Variants in NCF2 observed in about 807,000 individuals in gnomAD.
The protein encoded by NCF2 is neutrophil cytosolic factor 2.
A neutral mutation model predicts 70.9 loss-of-function variants in NCF2; 45 were observed. The ratio of observed to expected loss-of-function variants is 0.63; its 90% CI spans 0.50 to 0.81. NCF2 has a LOEUF of 0.81. Among genes scored for constraint, NCF2 ranks in the 40% least tolerant of loss-of-function variants. The pLI is 0.00. For missense variants in NCF2, 522 were observed against 631.6 expected, an observed-to-expected ratio of 0.83 and a Z score of 1.86; for synonymous variants, 203 against 233.6, an observed-to-expected ratio of 0.87 and a Z score of 1.19.
At chr1:183,576,531 G>A (rs1422269649) in intron 3 of NCF2, among the ~76,000 whole-genome samples, 2 of 152,142 alleles carry the variant, frequency 1.3e-5, no homozygotes, top group Non-Finnish European at 2.9e-5. Flanking sequence ...TGCGCAGGAC[G>A]CACCACAACC....
At chr1:183,556,339 T>C (rs1671780511) in intron 14 of NCF2, 109 bp from the exon 15 acceptor site, 1 of 936,176 alleles carries the variant, frequency 1.1e-6, no homozygotes, top group Admixed American at 1.9e-5. Flanking sequence ...CCACCCCTAA[T>C]TGTGATCAAC....
Position 183,570,766 on chromosome 1 carries a change from C to G in NCF2, c.669+14G>C, listed in dbSNP as rs1268509572. ...CGAGACCTAGGTCCATGGAGAAGGT[C>G]AGGACTGCCTTACCTGTGGTTGCAG... On this transcript the variant is annotated intron_variant, in intron 6 of 14. Coordinates refer to ENST00000367535, the MANE Select transcript of NCF2 (RefSeq NM_000433.4). The G allele has an allele frequency of 6.2e-7, 1 of 1,613,544 alleles. No individual in the cohort carries two copies. Among genetic ancestry groups the G allele is most frequent in the African/African-American group, 1.3e-5 (1 of 74,924 alleles).
intron 2 of NCF2, among the ~76,000 whole-genome samples, chr1:183,580,700 G>T (rs1054334281): frequency 6.6e-6 from 1 of 152,170 alleles, no homozygotes; most frequent in African/African-American, 2.4e-5. Flanking sequence ...ACAGAGGCCC[G>T]GTGCAGTGGC....
upstream of NCF2, among the ~76,000 whole-genome samples, chr1:183,592,604 G>A (rs1400678113): frequency 3.3e-5 from 5 of 152,164 alleles, no homozygotes; most frequent in Non-Finnish European, 7.3e-5. Flanking sequence ...ATGACCTGCA[G>A]GTAGCAGTGA....
rs1180924177 is a variant in NCF2, at chr1:183,585,933, C to G, written c.257+962G>C. 3.9e-5 allele frequency among the ~76,000 whole-genome samples: 6 copies of G among 152,214 alleles called. No individual in the cohort carries two copies. The East Asian group carries it at 1.2e-3, about 29-fold the overall frequency. On this transcript the variant is annotated intron_variant, in intron 2 of 14. Coordinates refer to ENST00000367535, the MANE Select transcript of NCF2 (RefSeq NM_000433.4). ...AAAATGGATTTTCCTATAATCCCAC[C>G]ATCCAGAGAGAATTATTGATAACAT...
chr1:183,558,421 C>T (rs757702877), intron 14 of NCF2, among the ~76,000 whole-genome samples: 3 of 151,568 alleles, frequency 2.0e-5, no homozygotes, highest in Admixed American at 1.3e-4. Flanking sequence ...GCACCTACCA[C>T]TATACCCGGC....
chr1:183,599,429 T>TCTTTCTTTCTTTCTTTC, the NCF2 span, among the ~76,000 whole-genome samples: 332 of 85,898 alleles, frequency 3.9e-3, 5 homozygotes, highest in African/African-American at 0.012. Flanking sequence ...TTTCCTTCTT[T>TCTTTCTTTCTTTCTTTC]CTTTCTTTCT....
chr1:183,563,706 T>A, intron 11 of NCF2, 121 bp from the exon 12 acceptor site: 3 of 1,262,320 alleles, frequency 2.4e-6, no homozygotes, highest in South Asian at 1.2e-5. Flanking sequence ...GAGAGGCCAG[T>A]AAGTAACTGG....
In NCF2 at chr1:183,567,291, T is replaced by G; in HGVS notation, c.768A>C (p.Lys256Asn). Reference protein sequence around the residue: ...RVLFGFVPETKEELQVMPGNI... With the variant: ...RVLFGFVPETNEELQVMPGNI... ...TCCCTGGCATGACCTGGAGCTCTTC[T>G]TTTGTCTCAGGCACAAACCCAAATA... The change falls in exon 8 of 15, where the codon AAA becomes AAC. Residue 256 changes from lysine (K) to asparagine (N), a missense_variant. Lys to Asn is a moderately conservative substitution (Grantham distance 94). Transcript: ENST00000367535. The G allele has an allele frequency of 6.2e-7, 1 of 1,614,188 alleles. No individual in the cohort carries two copies. Among genetic ancestry groups the G allele is most frequent in the South Asian group, 1.1e-5 (1 of 91,086 alleles).
chr1:183,596,662 G>A, the NCF2 span, among the ~76,000 whole-genome samples: 58,291 of 151,436 alleles, frequency 0.38, 11,383 homozygotes, highest in Middle Eastern at 0.44. Flanking sequence ...GACTCTCTTG[G>A]ACCTGGCAGG....
At chr1:183,564,157 G>T (rs754596658) in intron 10 of NCF2, 127 bp from the exon 11 acceptor site, 2 of 943,844 alleles carry the variant, frequency 2.1e-6, no homozygotes, top group Non-Finnish European at 3.5e-6. Flanking sequence ...TAATTTGTGG[G>T]GCAATTATTA....
chr1:183,558,022 A>C (rs1169604921), intron 14 of NCF2, among the ~76,000 whole-genome samples: 6 of 151,472 alleles, frequency 4.0e-5, no homozygotes, highest in African/African-American at 1.2e-4. Context: ...CTACAAGTGC[A>C]CGCCACCACG....
chr1:183,597,663 G>C, the NCF2 span: 1 of 152,134 alleles, frequency 6.6e-6, no homozygotes, highest in African/African-American at 2.4e-5. Flanking sequence ...CCATCTTTGT[G>C]TTCATGTATA....
At chr1:183,587,016 G>A in intron 1 of NCF2, 39 bp from the exon 2 acceptor site, 3 of 1,572,072 alleles carry the variant, frequency 1.9e-6, no homozygotes, top group Non-Finnish European at 2.6e-6. Flanking sequence ...ATGATGCAAG[G>A]CAGTGAGGAG....
At chr1:183,592,680 T>G (rs1207011373), upstream of NCF2, among the ~76,000 whole-genome samples, 1 of 152,224 alleles carries the variant, frequency 6.6e-6, no homozygotes, top group African/African-American at 2.4e-5. Context: ...AGCACATTAA[T>G]TATTCCTGAG....
At chr1:183,571,479 C>CTACT (rs2102899874) in intron 5 of NCF2, among the ~76,000 whole-genome samples, 1 of 152,290 alleles carries the variant, frequency 6.6e-6, no homozygotes, top group South Asian at 2.1e-4. Flanking sequence ...TGCTGTGCAA[C>CTACT]TACTGCCTCT....
At chr1:183,580,231 G>A (rs1672998975) in intron 2 of NCF2, among the ~76,000 whole-genome samples, 1 of 152,162 alleles carries the variant, frequency 6.6e-6, no homozygotes, top group Admixed American at 6.5e-5. Context: ...AATAAAGATG[G>A]TTGTAAAACC....
At chr1:183,568,686 C>T (rs1480243349) in intron 7 of NCF2, among the ~76,000 whole-genome samples, 1 of 150,574 alleles carries the variant, frequency 6.6e-6, no homozygotes. Flanking sequence ...ATTCTAGATT[C>T]CTGACTCCAG....
At position 183,564,652 on chromosome 1, in the gene NCF2, T is replaced by G. The variant is rs574576584; in HGVS notation, c.1001-622A>C. On this transcript the variant is annotated intron_variant, in intron 10 of 14. Transcript: ENST00000367535. ...CGAGCCCCATTCCAGTCCTAAAATATCAGAGCCAGTAGCCTAGGACTCTGT... is the reference window on the plus strand; with the variant it reads ...CGAGCCCCATTCCAGTCCTAAAATAGCAGAGCCAGTAGCCTAGGACTCTGT... Among the ~76,000 whole-genome samples the G allele has an allele frequency of 2.2e-4, 33 of 152,220 alleles. No homozygotes were observed. The South Asian group carries it at 6.6e-3, about 31-fold the overall frequency.
Sources: gnomAD v4.1 joint callset for allele counts (sites outside exome capture counted in the v4.1 genomes callset) on GRCh38, gnomAD v4.1.1 for gene constraint, MANE v1.5 for transcripts, NCBI Gene and HGNC (gene_info 2026-07-23, HGNC 2026-07-21) for gene names.